Variants in ZNF438 observed in about 807,000 individuals in gnomAD.
ZNF438 encodes the protein zinc finger protein 438.
ZNF438 carries 25 observed loss-of-function variants against 38.0 expected under a neutral mutation model. The observed-to-expected ratio is 0.66, with a 90% CI of 0.48 to 0.92. The LOEUF (loss-of-function observed/expected upper bound fraction) is 0.92, where lower values mean the gene tolerates loss of function less well. Among genes scored for constraint, ZNF438 ranks in the 40% least tolerant of loss-of-function variants. The probability of loss-of-function intolerance (pLI) is 0.00; values close to 1 mark genes in which losing one functional copy is unlikely to be tolerated. For missense variants in ZNF438, 1,007 were observed against 999.6 expected (o/e 1.01, Z -0.10); for synonymous variants, 372 against 364.1 (o/e 1.02, Z -0.25).
At chr10:30,874,792 A>G (rs2038156512) in intron 4 of ZNF438, among the ~76,000 whole-genome samples, 1 of 150,802 alleles carries the variant, frequency 6.6e-6, no homozygotes, top group East Asian at 1.9e-4. Context: ...TCTTATAGAA[A>G]TATCTTTATA....
intron 4 of ZNF438, among the ~76,000 whole-genome samples, chr10:30,875,994 T>C (rs1190043987): frequency 6.6e-6 from 1 of 152,246 alleles, no homozygotes; most frequent in African/African-American, 2.4e-5. Flanking sequence ...TCCTTTAGTC[T>C]CCACATATCC....
chr10:31,003,788 A>G (rs373437482), intron 1 of ZNF438, among the ~76,000 whole-genome samples: 4 of 152,316 alleles, frequency 2.6e-5, no homozygotes, highest in African/African-American at 9.6e-5. Context: ...ACGTGAGATC[A>G]TGTCATTTCT....
At chr10:30,971,972 C>CTTTT (rs11320310) in intron 1 of ZNF438, among the ~76,000 whole-genome samples, 1 of 147,022 alleles carries the variant, frequency 6.8e-6, no homozygotes, top group Non-Finnish European at 1.5e-5. Context: ...GCCCTTGATT[C>CTTTT]TTTTTTTTTT....
chr10:30,865,841 T>C (rs2036330783), intron 4 of ZNF438, among the ~76,000 whole-genome samples: 1 of 152,248 alleles, frequency 6.6e-6, no homozygotes, highest in Admixed American at 6.5e-5. Context: ...TCGGCCTTCC[T>C]GGCCGTAGTT....
intron 1 of ZNF438, among the ~76,000 whole-genome samples, chr10:30,987,779 G>T (rs1289521320): frequency 6.6e-6 from 1 of 152,054 alleles, no homozygotes; most frequent in Non-Finnish European, 1.5e-5. Context: ...CAAGAAGCAG[G>T]CCCTCACCAG....
chr10:30,900,973 T>C (rs2041905498), intron 3 of ZNF438, among the ~76,000 whole-genome samples: 1 of 152,090 alleles, frequency 6.6e-6, no homozygotes, highest in South Asian at 2.1e-4. Context: ...AGGAGAAAAA[T>C]GCAAAAGGCA....
intron 1 of ZNF438, among the ~76,000 whole-genome samples, chr10:30,944,409 G>A (rs77163420): frequency 0.079 from 12,080 of 152,156 alleles, 578 homozygotes; most frequent in Non-Finnish European, 0.11. Context: ...TCAGAGGTAA[G>A]AATAAAAAAG....
At chr10:31,014,052 T>C (rs1489847784) in intron 1 of ZNF438, among the ~76,000 whole-genome samples, 1 of 152,162 alleles carries the variant, frequency 6.6e-6, no homozygotes, top group Non-Finnish European at 1.5e-5. Flanking sequence ...AATAATGATA[T>C]CCTTGATCTT....
chr10:30,868,313 C>T (rs980984175), intron 4 of ZNF438, among the ~76,000 whole-genome samples: 8 of 152,086 alleles, frequency 5.3e-5, no homozygotes, highest in East Asian at 1.9e-4. Context: ...GCAGGTGATC[C>T]GCCCGCCTCA....
rs571899260 is a variant in ZNF438 at position 30,864,441 on chromosome 10, T to C, written c.37+12557A>G. On this transcript the variant is annotated intron_variant, in intron 4 of 5. Transcript: ENST00000413025. ...GTCTAAAAGGAGCTGCTCAGCTCCATGTGATCACTTGCTATTTTCTTTTTC... is the reference window on the plus strand; with the variant it reads ...GTCTAAAAGGAGCTGCTCAGCTCCACGTGATCACTTGCTATTTTCTTTTTC... 6.6e-5 allele frequency among the ~76,000 whole-genome samples: 10 copies of C among 152,294 alleles called. No individual in the cohort carries two copies. The South Asian group carries it at 1.7e-3, about 25-fold the overall frequency.
chr10:30,938,162 T>C lies in ZNF438; in HGVS notation c.-115+3413A>G, dbSNP rs532858335. ...TCTAATTCCCTGCCCCGCACCCCCATTGTTTCAGCCAACATGAATTAACCA... is the reference window on the plus strand; with the variant it reads ...TCTAATTCCCTGCCCCGCACCCCCACTGTTTCAGCCAACATGAATTAACCA... On this transcript the variant is annotated intron_variant, in intron 2 of 5. Transcript: ENST00000413025. Among the ~76,000 whole-genome samples the C allele has an allele frequency of 3.7e-3, 560 of 152,250 alleles. 1 individual carries two copies. Among genetic ancestry groups the C allele is most frequent in the Non-Finnish European group, 6.6e-3 (450 of 68,002 alleles).
intron 1 of ZNF438, among the ~76,000 whole-genome samples, chr10:30,953,273 G>C (rs1208054561): frequency 6.6e-6 from 1 of 151,404 alleles, no homozygotes; most frequent in Non-Finnish European, 1.5e-5. Context: ...TAGAGGGGAG[G>C]GATAACATTG....
intron 1 of ZNF438, among the ~76,000 whole-genome samples, chr10:30,957,873 T>G (rs1316988091): frequency 8.5e-6 from 1 of 117,422 alleles, no homozygotes; most frequent in Non-Finnish European, 2.2e-5. Flanking sequence ...TGATTCAATT[T>G]TGTGACTCAT....
rs1233049301 is a variant in ZNF438, at chr10:30,868,725, G to A, written c.37+8273C>T. On this transcript the variant is annotated intron_variant, in intron 4 of 5. Transcript: ENST00000413025. The stretch of plus-strand genomic sequence containing the variant: ...ACCATCTGCATAAATAAAGATGCAA[G>A]CATCTGCTATATTGCAAATGGTCTC... Among the ~76,000 whole-genome samples, 4 of 152,186 alleles carry A rather than the reference G, an allele frequency of 2.6e-5. No homozygotes were observed. The East Asian group carries it at 5.8e-4, about 22-fold the overall frequency.
At chr10:30,996,294 A>G (rs2054042742) in intron 1 of ZNF438, among the ~76,000 whole-genome samples, 1 of 152,142 alleles carries the variant, frequency 6.6e-6, no homozygotes, top group Admixed American at 6.5e-5. Context: ...TCTAATCAAA[A>G]GAAAGATTAT....
At chr10:30,933,218 A>G (rs570072953) in intron 2 of ZNF438, among the ~76,000 whole-genome samples, 1 of 152,196 alleles carries the variant, frequency 6.6e-6, no homozygotes, top group Non-Finnish European at 1.5e-5. Flanking sequence ...AATTCTGTTC[A>G]AAGAAAAACA....
intron 1 of ZNF438, among the ~76,000 whole-genome samples, chr10:31,007,917 G>A (rs1465207747): frequency 6.6e-6 from 1 of 152,118 alleles, no homozygotes; most frequent in African/African-American, 2.4e-5. Flanking sequence ...AAAATGAGGG[G>A]GGACTAGATG....
intron 2 of ZNF438, among the ~76,000 whole-genome samples, chr10:30,925,175 G>C (rs1359612023): frequency 6.6e-6 from 1 of 151,898 alleles, no homozygotes; most frequent in Non-Finnish European, 1.5e-5. Context: ...ATCTTTTCTT[G>C]TAGTTGTCCC....
intron 1 of ZNF438, among the ~76,000 whole-genome samples, chr10:30,959,504 C>T (rs144428684): frequency 0.092 from 13,104 of 142,934 alleles, 2,050 homozygotes; most frequent in Non-Finnish European, 0.13. Context: ...TTTGGAAGGC[C>T]GAGGTGGGCG....
Sources: allele counts gnomAD v4.1 joint callset (sites outside exome capture counted in the v4.1 genomes callset), GRCh38; gene constraint gnomAD v4.1.1; transcripts MANE v1.5; gene names NCBI Gene and HGNC (gene_info 2026-07-23, HGNC 2026-07-21).